Variants in TEC observed in about 807,000 individuals in gnomAD.
TEC encodes the protein tyrosine-protein kinase Tec.
In TEC, 72 loss-of-function variants were observed where a neutral mutation model predicts 93.0. The ratio of observed to expected loss-of-function variants is 0.77; its 90% CI spans 0.64 to 0.94. The LOEUF is 0.94. TEC is among the 40% of genes least tolerant of loss of function. TEC has a pLI of 0.00. For missense variants in TEC, 630 were observed against 757.9 expected, an observed-to-expected ratio of 0.83 and a Z score of 1.98; for synonymous variants, 249 against 247.7, an observed-to-expected ratio of 1.01 and a Z score of -0.05.
At chr4:48,227,105 T>G (rs1399482006) in intron 2 of TEC, among the ~76,000 whole-genome samples, 3 of 152,108 alleles carry the variant, frequency 2.0e-5, no homozygotes, top group Non-Finnish European at 4.4e-5. Flanking sequence ...GTTTTGAGGT[T>G]TTGGTTTTCA....
intron 14 of TEC, 27 bp from the exon 15 acceptor site, chr4:48,141,446 T>C (rs1479575916): frequency 6.2e-7 from 1 of 1,605,392 alleles, no homozygotes; most frequent in South Asian, 1.1e-5. Context: ...TGATGGTATA[T>C]TAGTTTAAAA....
chr4:48,252,213 A>C (rs1724222525), intron 1 of TEC, among the ~76,000 whole-genome samples: 1 of 152,238 alleles, frequency 6.6e-6, no homozygotes, highest in African/African-American at 2.4e-5. Flanking sequence ...GAATTAAATA[A>C]GCAAATATAC....
At chr4:48,201,914 G>A (rs1722524767) in intron 2 of TEC, among the ~76,000 whole-genome samples, 1 of 151,874 alleles carries the variant, frequency 6.6e-6, no homozygotes, top group African/African-American at 2.4e-5. Flanking sequence ...AGTCACAGGG[G>A]AAGCCCCAGG....
intron 1 of TEC, among the ~76,000 whole-genome samples, chr4:48,253,731 T>A (rs1478277964): frequency 1.2e-4 from 19 of 152,024 alleles, no homozygotes; most frequent in Admixed American, 3.3e-4. Flanking sequence ...TGCACCACCA[T>A]GCCCAGCTAA....
At position 48,156,614 on chromosome 4, in the gene TEC, C is replaced by A. The variant is rs188895520; in HGVS notation, c.792+66G>T. The A allele has an allele frequency of 2.0e-4, 273 of 1,382,056 alleles. 5 individuals are homozygous for A. The Admixed American group carries it at 5.7e-3, about 29-fold the overall frequency. 85.6% of individuals were successfully genotyped at this position (1,382,056 alleles called of 1,614,324 possible). A position where few individuals can be genotyped will look rare whatever the true frequency, so the allele number is the denominator to read the frequency against. ...CATTTAGAAAGAGAGATATGTGGAA[C>A]TACTTATTATGGACTCATTAAAATT... On this transcript the variant is annotated intron_variant, in intron 9 of 17. Transcript: ENST00000381501.
chr4:48,164,163 T>TA (rs1450312276), intron 7 of TEC, among the ~76,000 whole-genome samples: 7 of 152,244 alleles, frequency 4.6e-5, no homozygotes, highest in African/African-American at 1.7e-4. Context: ...GTTTTGCTGA[T>TA]ATGTGTTAAA....
At chr4:48,213,691 T>C (rs1205099583) in intron 2 of TEC, among the ~76,000 whole-genome samples, 2 of 152,256 alleles carry the variant, frequency 1.3e-5, no homozygotes, top group African/African-American at 2.4e-5. Context: ...TGTCATGTGA[T>C]TTCTTTTGAC....
At chr4:48,173,865 T>A (rs765435927) in intron 3 of TEC, among the ~76,000 whole-genome samples, 1 of 152,166 alleles carries the variant, frequency 6.6e-6, no homozygotes, top group Admixed American at 6.5e-5. Context: ...GGAGCAACCA[T>A]CCCATCTAGG....
chr4:48,238,894 C>A (rs73817609), intron 1 of TEC, among the ~76,000 whole-genome samples: 2,375 of 152,156 alleles, frequency 0.016, 65 homozygotes, highest in African/African-American at 0.053. Context: ...GCAGACTCAA[C>A]TTCCCTTATG....
intron 2 of TEC, among the ~76,000 whole-genome samples, chr4:48,206,184 G>A (rs1289524045): frequency 1.3e-5 from 2 of 152,152 alleles, no homozygotes; most frequent in Admixed American, 6.6e-5. Flanking sequence ...AAAAGGAAAT[G>A]GGGACTGACT....
At chr4:48,184,183 T>G (rs1721709014) in intron 2 of TEC, among the ~76,000 whole-genome samples, 1 of 152,222 alleles carries the variant, frequency 6.6e-6, no homozygotes, top group Admixed American at 6.5e-5. Context: ...ACCCCCATTT[T>G]GCAGATGGAG....
intron 1 of TEC, among the ~76,000 whole-genome samples, chr4:48,264,439 A>G (rs1724581077): frequency 6.6e-6 from 1 of 152,160 alleles, no homozygotes; most frequent in Non-Finnish European, 1.5e-5. Flanking sequence ...TACATACTGG[A>G]TGCTGAGACT....
chr4:48,170,821 T>C (rs994924683), intron 4 of TEC, among the ~76,000 whole-genome samples: 5 of 152,082 alleles, frequency 3.3e-5, no homozygotes, highest in African/African-American at 4.8e-5. Context: ...GAGGCCGAGG[T>C]GGGCAGATCA....
intron 2 of TEC, among the ~76,000 whole-genome samples, chr4:48,186,589 G>C (rs371434464): frequency 6.7e-6 from 1 of 149,238 alleles, no homozygotes; most frequent in Non-Finnish European, 1.5e-5. Context: ...CGGCCGCCCC[G>C]TCTGAGAAGT....
intron 11 of TEC, among the ~76,000 whole-genome samples, chr4:48,147,557 G>T (rs1331846184): frequency 1.3e-5 from 2 of 152,108 alleles, no homozygotes; most frequent in African/African-American, 2.4e-5. Context: ...TATATCTATA[G>T]TTTGTACATA....
At chr4:48,251,186 C>G (rs1724188866) in intron 1 of TEC, among the ~76,000 whole-genome samples, 1 of 152,182 alleles carries the variant, frequency 6.6e-6, no homozygotes, top group East Asian at 1.9e-4. Flanking sequence ...CTAACCGCAT[C>G]TAGTACCACT....
intron 1 of TEC, among the ~76,000 whole-genome samples, chr4:48,258,555 A>T (rs532773409): frequency 6.6e-6 from 1 of 152,318 alleles, no homozygotes; most frequent in South Asian, 2.1e-4. Context: ...TATGTAATTT[A>T]TTTTAAAAAT....
At chr4:48,226,628 A>G (rs969209582) in intron 2 of TEC, among the ~76,000 whole-genome samples, 5 of 150,030 alleles carry the variant, frequency 3.3e-5, no homozygotes, top group African/African-American at 1.2e-4. Context: ...TATATATATA[A>G]CATACCAAAT....
intron 2 of TEC, among the ~76,000 whole-genome samples, chr4:48,224,991 T>C (rs1421526235): frequency 6.6e-6 from 1 of 152,136 alleles, no homozygotes; most frequent in African/African-American, 2.4e-5. Context: ...CTCCTCATTG[T>C]TTTTCTATTG....
Sources: allele counts gnomAD v4.1 joint callset (sites outside exome capture counted in the v4.1 genomes callset), GRCh38; gene constraint gnomAD v4.1.1; transcripts MANE v1.5; gene names NCBI Gene and HGNC (gene_info 2026-07-23, HGNC 2026-07-21).